DLG4: variants seen among roughly 807,000 people sequenced by gnomAD.
DLG4 encodes the protein disks large homolog 4.
DLG4 carries 7 observed loss-of-function variants against 93.8 expected under a neutral mutation model. That is an observed-to-expected ratio of 0.07 (90% CI 0.04 to 0.14). The LOEUF is 0.14. DLG4 is among the 10% of genes least tolerant of loss of function. DLG4 has a pLI of 1.00. For missense variants in DLG4, 545 were observed against 992.9 expected (o/e 0.55, Z 6.06); for synonymous variants, 341 against 387.6 (o/e 0.88, Z 1.41).
chr17:7,214,658 C>T (rs1442752319), intron 1 of DLG4, among the ~76,000 whole-genome samples: 1 of 152,220 alleles, frequency 6.6e-6, no homozygotes, highest in Non-Finnish European at 1.5e-5. Flanking sequence ...TTCTGCTCCG[C>T]CTTCCGCCAC....
chr17:7,218,670 G>A (rs764715841), upstream of DLG4: 1 of 1,550,890 alleles, frequency 6.4e-7, no homozygotes, highest in South Asian at 1.2e-5. Context: ...TTGGGACAGG[G>A]AAGATGCCAA....
intron 8 of DLG4, 69 bp from the exon 9 acceptor site, chr17:7,197,121 A>G (rs2069833565): frequency 1.4e-6 from 2 of 1,471,076 alleles, no homozygotes; most frequent in Non-Finnish European, 1.8e-6. Flanking sequence ...CCTTCTCCCC[A>G]GGGTGCCAGA....
At chr17:7,199,794 C>T (rs956047832) in intron 8 of DLG4, among the ~76,000 whole-genome samples, 4 of 151,594 alleles carry the variant, frequency 2.6e-5, no homozygotes, top group South Asian at 4.2e-4. Flanking sequence ...CTGGCTATCA[C>T]GGTGAAACCC....
At chr17:7,219,386 A>G, upstream of DLG4, 1 of 1,013,884 alleles carries the variant, frequency 9.9e-7, no homozygotes, top group Non-Finnish European at 1.2e-6. Flanking sequence ...AGGGGCAGTG[A>G]ATCTGGGGGG....
intron 8 of DLG4, among the ~76,000 whole-genome samples, chr17:7,202,170 C>T (rs2070171905): frequency 6.6e-6 from 1 of 152,300 alleles, no homozygotes; most frequent in African/African-American, 2.4e-5. Context: ...TCCAACTCCT[C>T]GGCTCAAGCG....
Position 7,206,688 on chromosome 17 carries a change from T to C in DLG4, c.96+1486A>G, listed in dbSNP as rs533746928. 2.6e-5 allele frequency among the ~76,000 whole-genome samples: 4 copies of C among 152,286 alleles called. No homozygotes were observed. The South Asian group carries it at 8.3e-4, about 32-fold the overall frequency. The stretch of plus-strand genomic sequence containing the variant: ...TCCTTGCTCTGTCAGCCTCATTCAC[T>C]GCCCTGATCTCACAGTCTTATCCCT... On this transcript the variant is annotated intron_variant, in intron 2 of 19. Coordinates refer to ENST00000399506, the MANE Select transcript of DLG4 (RefSeq NM_001321075.3).
chr17:7,200,829 A>G (rs2070084652), intron 8 of DLG4, among the ~76,000 whole-genome samples: 1 of 145,246 alleles, frequency 6.9e-6, no homozygotes. Flanking sequence ...TACAGGCATG[A>G]GCCACCGGCG....
rs370041472 is a variant in DLG4, at chr17:7,194,538, C to G, written c.1302-43G>C. On this transcript the variant is annotated intron_variant, in intron 11 of 19. Transcript: ENST00000399506. This position sits in a 1 kb window ranked among gnomAD's most constrained non-coding sequence, Gnocchi z 4.4. ...ATCGGTCAGAGCCCAGCTGAGGACTCCAGGAAGGATGCCCCAGTCACCCAA... is the reference window on the plus strand; with the variant it reads ...ATCGGTCAGAGCCCAGCTGAGGACTGCAGGAAGGATGCCCCAGTCACCCAA... The G allele has an allele frequency of 1.3e-5, 20 of 1,561,124 alleles. No homozygotes were observed. The highest frequency in any genetic ancestry group is 1.1e-4 in the African/African-American group (8 of 73,724).
intron 17 of DLG4, 38 bp from the exon 18 acceptor site, chr17:7,192,040 G>T (rs751479756): frequency 3.2e-6 from 4 of 1,246,564 alleles, no homozygotes; most frequent in Non-Finnish European, 4.3e-6. Context: ...GGGCCAGCGG[G>T]TGGCGAGAAA....
chr17:7,192,894 G>T lies in DLG4; in HGVS notation c.1866+51C>A. On this transcript the variant is annotated intron_variant, in intron 17 of 19. Transcript: ENST00000399506. The stretch of plus-strand genomic sequence containing the variant: ...TTAGAGAAAGCTGGAGGGAGGCAGT[G>T]GGGTGGGGAGAGGGGAGAAGGAAGA... 2 of 1,529,640 alleles carry T rather than the reference G, an allele frequency of 1.3e-6. 1 individual carries two copies. The allele number at this position is 1,529,640 out of a possible 1,614,324, so 94.8% of individuals were successfully genotyped here. A position where few individuals can be genotyped will look rare whatever the true frequency, so the allele number is the denominator to read the frequency against.
chr17:7,208,607 C>A lies in DLG4; in HGVS notation c.31-368G>T, dbSNP rs2070586747. Among the ~76,000 whole-genome samples the A allele has an allele frequency of 6.6e-6, 1 of 152,098 alleles. No individual in the cohort carries two copies. The highest frequency in any genetic ancestry group is 1.5e-5 in the Non-Finnish European group (1 of 68,012). The stretch of plus-strand genomic sequence containing the variant: ...TCCCTCCAGCTTCTCAGAGCTCTAG[C>A]CCCGACACTCACATCTCCATTCTCT... On this transcript the variant is annotated intron_variant, in intron 1 of 19. Transcript: ENST00000399506. This position sits in a 1 kb window ranked among gnomAD's most constrained non-coding sequence, Gnocchi z 5.4.
chr17:7,199,640 T>C (rs531760700), intron 8 of DLG4, among the ~76,000 whole-genome samples: 24 of 152,264 alleles, frequency 1.6e-4, no homozygotes, highest in Admixed American at 1.4e-3. Flanking sequence ...CCTTGCTCTC[T>C]AGTATGAAAG....
chr17:7,219,453 A>G, upstream of DLG4: 2 of 1,027,504 alleles, frequency 1.9e-6, no homozygotes, highest in Non-Finnish European at 2.3e-6. Context: ...CCTACATCTC[A>G]GAAGAATACA....
chr17:7,200,073 G>A (rs1025881226), intron 8 of DLG4, among the ~76,000 whole-genome samples: 10 of 152,052 alleles, frequency 6.6e-5, no homozygotes, highest in Non-Finnish European at 8.8e-5. Flanking sequence ...TGGTATTTAG[G>A]AATAGTACCA....
upstream of DLG4, chr17:7,218,864 A>G: frequency 6.2e-7 from 1 of 1,613,166 alleles, no homozygotes; most frequent in Non-Finnish European, 8.5e-7. Flanking sequence ...CTCTTCTCTC[A>G]CTTTAATCTC....
In DLG4 at chr17:7,217,229, C is replaced by T; in HGVS notation, c.-82G>A. ...TTCCTCCCCTCCGTGGGTTCTCACCCCTCCCCCCTCCGCACCCCACTTTTG... is the reference window on the plus strand; with the variant it reads ...TTCCTCCCCTCCGTGGGTTCTCACCTCTCCCCCCTCCGCACCCCACTTTTG... On this transcript the variant is annotated 5_prime_UTR_variant, in exon 1 of 20. Coordinates refer to ENST00000399506, the MANE Select transcript of DLG4 (RefSeq NM_001321075.3). The T allele has an allele frequency of 7.9e-7, 1 of 1,258,496 alleles. No individual in the cohort carries two copies. The highest frequency in any genetic ancestry group is 1.0e-6 in the Non-Finnish European group (1 of 994,864). 78.0% of individuals were successfully genotyped at this position (1,258,496 alleles called of 1,614,324 possible).
upstream of DLG4, chr17:7,217,813 G>C: frequency 6.5e-7 from 1 of 1,534,992 alleles, no homozygotes. Context: ...CAGCAAAGAC[G>C]ATGAGGCTGG....
rs77935075 is a variant in DLG4, at chr17:7,188,370, G to C, written c.*2338C>G. 6.6e-6 allele frequency among the ~76,000 whole-genome samples: 1 copy of C among 151,958 alleles called. No homozygotes were observed. Among genetic ancestry groups the C allele is most frequent in the African/African-American group, 2.4e-5 (1 of 41,368 alleles). ...AAACTCTCAACTTTAGTCAGGAGTG[G>C]CTACAAAAAATGCCCTTTTGCACTG... On this transcript the variant is annotated 3_prime_UTR_variant, in exon 20 of 20. Coordinates refer to ENST00000399506, the MANE Select transcript of DLG4 (RefSeq NM_001321075.3).
Position 7,203,245 on chromosome 17 carries a change from C to G in DLG4, c.590G>C (p.Gly197Ala), listed in dbSNP as rs1344403587. 1.2e-6 allele frequency: 2 copies of G among 1,610,682 alleles called. No individual in the cohort carries two copies. Among genetic ancestry groups the G allele is most frequent in the Non-Finnish European group, 1.7e-6 (2 of 1,177,124 alleles). The change falls in exon 7 of 20, where the codon GGG (glycine) becomes GCG (alanine). Residue 197 changes from glycine (G) to alanine (A), a missense_variant. This residue lies in a region of DLG4 where 428 missense variants were observed against 741.4 expected (regional missense o/e 0.58). Transcript: ENST00000399506. The surrounding 1 kb of genome is among the most constrained non-coding windows in gnomAD (Gnocchi z 7.2). ...CCTCCCATCCTTGTGGGCAGCACCCCCTTCGATGATCTTTGTTACATAGAT... is the reference window on the plus strand; with the variant it reads ...CCTCCCATCCTTGTGGGCAGCACCCGCTTCGATGATCTTTGTTACATAGAT... Reference protein sequence around the residue: ...NSIYVTKIIEGGAAHKDGRLQ... With the variant: ...NSIYVTKIIEAGAAHKDGRLQ...
Sources: gnomAD v4.1 joint callset for allele counts (sites outside exome capture counted in the v4.1 genomes callset) on GRCh38, gnomAD v4.1.1 for gene constraint, gnomAD v4.1.1 regional missense constraint, Gnocchi (gnomAD v3.1) non-coding constraint, MANE v1.5 for transcripts, NCBI Gene and HGNC (gene_info 2026-07-23, HGNC 2026-07-21) for gene names.